NXN: variants seen among roughly 807,000 people sequenced by gnomAD.
The protein encoded by NXN is nucleoredoxin 1.
In NXN, 16 loss-of-function variants were observed where a neutral mutation model predicts 48.6. That is an observed-to-expected ratio of 0.33 (90% CI 0.22 to 0.50). NXN has a LOEUF of 0.50. NXN is among the 20% of genes least tolerant of loss of function. The pLI is 0.98. For synonymous variants in NXN, 281 were observed against 269.6 expected (o/e 1.04, Z -0.41); for missense variants, 492 against 605.5 (o/e 0.81, Z 1.97).
chr17:972,980 C>G (rs1167973097), intron 1 of NXN, among the ~76,000 whole-genome samples: 4 of 150,788 alleles, frequency 2.7e-5, no homozygotes, highest in Non-Finnish European at 5.9e-5. Flanking sequence ...GCGGTGAGCC[C>G]AGATCGCTCC....
chr17:836,939 G>A (rs2030822233), intron 1 of NXN, among the ~76,000 whole-genome samples: 1 of 149,874 alleles, frequency 6.7e-6, no homozygotes, highest in Non-Finnish European at 1.5e-5. Context: ...TTACAAGCGT[G>A]AGCCACCACA....
In NXN at chr17:939,071, G is replaced by GAAA. The variant is rs535719824; in HGVS notation, c.360+40245_360+40247dup. Among the ~76,000 whole-genome samples the GAAA allele has an allele frequency of 5.3e-5, 8 of 151,950 alleles. No individual in the cohort carries two copies. The South Asian group carries it at 1.5e-3, about 28-fold the overall frequency. On this transcript the variant is annotated intron_variant, in intron 1 of 7. Transcript: ENST00000336868. ...CCCTCTCAAAAAAAAAAGAAAGAAA[G>GAAA]AAAAGAACAAATGAAAGGAAAATGA...
rs538906527 is a variant in NXN at position 930,715 on chromosome 17, G to C, written c.360+48604C>G. ...ATAAACATGTTATTAAATGCTAAAA[G>C]TGTAACCAGGAAAACCGTAAATGGT... On this transcript the variant is annotated intron_variant, in intron 1 of 7. Coordinates refer to ENST00000336868, the MANE Select transcript of NXN (RefSeq NM_022463.5). 2.0e-5 allele frequency among the ~76,000 whole-genome samples: 3 copies of C among 151,682 alleles called. No individual in the cohort carries two copies. In the South Asian group the frequency reaches 6.2e-4, roughly 32 times the overall value.
chr17:840,586 G>A lies in NXN; in HGVS notation c.361-14508C>T, dbSNP rs192407293. 8.4e-3 allele frequency among the ~76,000 whole-genome samples: 1,281 copies of A among 152,204 alleles called. 23 individuals are homozygous for A. The highest frequency in any genetic ancestry group is 0.03 in the African/African-American group (1,226 of 41,514). On this transcript the variant is annotated intron_variant, in intron 1 of 7. Coordinates refer to ENST00000336868, the MANE Select transcript of NXN (RefSeq NM_022463.5). ...GATCTCCTGACCTCGTGATCCGCCCGCCTGGGCCTCCCAAAGTGCTGGGAT... is the reference window on the plus strand; with the variant it reads ...GATCTCCTGACCTCGTGATCCGCCCACCTGGGCCTCCCAAAGTGCTGGGAT...
chr17:896,783 C>T, intron 1 of NXN: 1 of 975,108 alleles, frequency 1.0e-6, no homozygotes, highest in South Asian at 2.1e-5. Context: ...CAAAGCTTCC[C>T]TAAATTCTCT....
intron 5 of NXN, among the ~76,000 whole-genome samples, chr17:812,867 TGTGG>T (rs1299590551): frequency 4.7e-5 from 7 of 149,414 alleles, no homozygotes; most frequent in African/African-American, 1.8e-4. Context: ...TGTAGGTGTG[TGTGG>T]GTGTGTGCGC....
intron 1 of NXN, among the ~76,000 whole-genome samples, chr17:847,987 T>C (rs983607997): frequency 3.9e-5 from 6 of 152,004 alleles, no homozygotes; most frequent in African/African-American, 1.2e-4. Context: ...CTCGTCTCTC[T>C]TTCTGCTACA....
At chr17:969,871 CCT>C (rs1369489861) in intron 1 of NXN, among the ~76,000 whole-genome samples, 9 of 152,158 alleles carry the variant, frequency 5.9e-5, no homozygotes, top group Middle Eastern at 3.4e-3. Flanking sequence ...CTCACCACAC[CCT>C]GTTTGGTGAC....
At chr17:827,225 T>C (rs575192533) in intron 1 of NXN, among the ~76,000 whole-genome samples, 1 of 152,122 alleles carries the variant, frequency 6.6e-6, no homozygotes, top group African/African-American at 2.4e-5. Context: ...ACATCTGTAA[T>C]CCCAGCACTT....
chr17:969,689 A>G (rs1308381462), intron 1 of NXN, among the ~76,000 whole-genome samples: 1 of 152,184 alleles, frequency 6.6e-6, no homozygotes, highest in Non-Finnish European at 1.5e-5. Flanking sequence ...ATCACGTTTA[A>G]CGGGAGGAAA....
intron 5 of NXN, among the ~76,000 whole-genome samples, chr17:806,604 C>T (rs1911541932): frequency 6.6e-6 from 1 of 152,100 alleles, no homozygotes; most frequent in Non-Finnish European, 1.5e-5. Context: ...CGCCTCTCCT[C>T]CTGGGCTGCC....
chr17:833,999 G>A (rs1390867452), intron 1 of NXN, among the ~76,000 whole-genome samples: 2 of 152,180 alleles, frequency 1.3e-5, no homozygotes, highest in Non-Finnish European at 2.9e-5. Context: ...ACCCAGGACT[G>A]AGAGAACTCA....
intron 5 of NXN, among the ~76,000 whole-genome samples, chr17:811,989 A>G (rs560048096): frequency 0.029 from 3,731 of 129,158 alleles, 143 homozygotes; most frequent in African/African-American, 0.1. Context: ...GTGCAGTGGC[A>G]AGATCTCGGC....
chr17:814,280 G>GA (rs1912345877), intron 5 of NXN, among the ~76,000 whole-genome samples: 1 of 151,970 alleles, frequency 6.6e-6, no homozygotes, highest in Non-Finnish European at 1.5e-5. Context: ...AAGAAAAAAA[G>GA]AAAAAAGGCT....
intron 1 of NXN, among the ~76,000 whole-genome samples, chr17:946,470 G>C (rs1396242477): frequency 6.6e-6 from 1 of 152,142 alleles, no homozygotes; most frequent in East Asian, 1.9e-4. Flanking sequence ...CCCGGCCAAA[G>C]GCTGTCTCTT....
chr17:869,582 T>A (rs887979879), intron 1 of NXN, among the ~76,000 whole-genome samples: 2 of 152,248 alleles, frequency 1.3e-5, no homozygotes, highest in Admixed American at 1.3e-4. Context: ...TTAAATACTT[T>A]AGAAAGATAC....
intron 1 of NXN, among the ~76,000 whole-genome samples, chr17:903,387 T>C (rs1004368300): frequency 1.3e-5 from 2 of 151,366 alleles, no homozygotes; most frequent in African/African-American, 4.9e-5. Flanking sequence ...TTTTGATCTA[T>C]GCTTTTTTTT....
At chr17:859,563 G>A (rs2068020826) in intron 1 of NXN, among the ~76,000 whole-genome samples, 2 of 152,278 alleles carry the variant, frequency 1.3e-5, no homozygotes, top group South Asian at 4.1e-4. Context: ...GTATGAAAAG[G>A]AAAGGGAAAC....
Position 803,877 on chromosome 17 carries a change from C to T in NXN, c.1001-71G>A, listed in dbSNP as rs1911339562. On this transcript the variant is annotated intron_variant, in intron 6 of 7. Coordinates refer to ENST00000336868, the MANE Select transcript of NXN (RefSeq NM_022463.5). ...GGCTTGTCAAACAGAGCGGCACCCGCCGAGGGGGCCTGAGCTGCAGAAACG... is the reference window on the plus strand; with the variant it reads ...GGCTTGTCAAACAGAGCGGCACCCGTCGAGGGGGCCTGAGCTGCAGAAACG... The T allele has an allele frequency of 3.8e-6, 6 of 1,594,988 alleles. No homozygotes were observed. The Admixed American group carries it at 8.4e-5, about 22-fold the overall frequency.
Sources: allele counts gnomAD v4.1 joint callset (sites outside exome capture counted in the v4.1 genomes callset), GRCh38; gene constraint gnomAD v4.1.1; transcripts MANE v1.5; gene names NCBI Gene and HGNC (gene_info 2026-07-23, HGNC 2026-07-21).